TNIP1: variants seen among roughly 807,000 people sequenced by gnomAD.
The protein encoded by TNIP1 is TNFAIP3-interacting protein 1.
A neutral mutation model predicts 86.6 loss-of-function variants in TNIP1; 22 were observed. That is an observed-to-expected ratio of 0.25 (90% CI 0.18 to 0.36). TNIP1 has a LOEUF of 0.36. TNIP1 is among the 10% of genes least tolerant of loss of function. TNIP1 has a pLI of 1.00. For synonymous variants in TNIP1, 294 were observed against 313.0 expected (o/e 0.94, Z 0.64); for missense variants, 709 against 820.6 (o/e 0.86, Z 1.66).
chr5:151,075,214 G>A (rs1581923311), intron 1 of TNIP1, among the ~76,000 whole-genome samples: 1 of 152,254 alleles, frequency 6.6e-6, no homozygotes, highest in African/African-American at 2.4e-5. Context: ...GCTGATGAAG[G>A]AGAAATTTCA....
Position 151,060,333 on chromosome 5 carries a change from G to A in TNIP1, c.420C>T (p.Ser140=), listed in dbSNP as rs146918184. 3 of 1,614,028 alleles carry A rather than the reference G, an allele frequency of 1.9e-6. No individual in the cohort carries two copies. The highest frequency in any genetic ancestry group is 2.7e-5 in the African/African-American group (2 of 74,916). The change falls in exon 5 of 18, where the codon AGC becomes AGT. Residue 140 remains serine, a synonymous_variant. Transcript: ENST00000521591. ...GTCCACTCACCATCGCATTGGCATG[G>A]CTGCTGCTCTCTGGTGAATTCTGCT... ...PEEQNSPESS[S]HANAMALGPL...
At chr5:151,042,512 C>A (rs955677308) in intron 11 of TNIP1, 28 bp downstream of exon 11, 1 of 1,607,880 alleles carries the variant, frequency 6.2e-7, no homozygotes, top group African/African-American at 1.3e-5. Context: ...GGGGAACTGA[C>A]TCTGCAGGGA....
chr5:151,044,416 C>A (rs182214649), intron 9 of TNIP1, among the ~76,000 whole-genome samples: 1 of 151,534 alleles, frequency 6.6e-6, no homozygotes, highest in Non-Finnish European at 1.5e-5. Context: ...TATACACACA[C>A]GTATATGTAT....
intron 6 of TNIP1, among the ~76,000 whole-genome samples, chr5:151,053,930 A>G (rs1490918399): frequency 6.6e-6 from 1 of 152,182 alleles, no homozygotes; most frequent in Non-Finnish European, 1.5e-5. Flanking sequence ...ATGGTGCCCA[A>G]AGGAGGGGAC....
chr5:151,056,589 C>T (rs1760687065), intron 6 of TNIP1, among the ~76,000 whole-genome samples, 177 bp downstream of exon 6: 1 of 142,960 alleles, frequency 7.0e-6, no homozygotes, highest in African/African-American at 2.6e-5. Flanking sequence ...CTTCCTCATC[C>T]CTCCCCACAA....
intron 9 of TNIP1, among the ~76,000 whole-genome samples, chr5:151,043,766 AC>A (rs1473604043): frequency 6.7e-6 from 1 of 150,370 alleles, no homozygotes; most frequent in African/African-American, 2.5e-5. Flanking sequence ...CCAAAGTGAG[AC>A]CCTATCTTAA....
chr5:151,035,220 C>T (rs568757726), intron 14 of TNIP1, among the ~76,000 whole-genome samples, 153 bp from the exon 15 acceptor site: 56 of 152,338 alleles, frequency 3.7e-4, no homozygotes, highest in Non-Finnish European at 6.5e-4. Flanking sequence ...GCCCTGAGGG[C>T]GGAGCACAGC....
intron 11 of TNIP1, among the ~76,000 whole-genome samples, chr5:151,039,917 G>C (rs939192979): frequency 1.3e-5 from 2 of 152,236 alleles, no homozygotes; most frequent in South Asian, 4.1e-4. Flanking sequence ...GGAACCAGCA[G>C]GGCTTCGCCA....
At chr5:151,041,842 C>T (rs1758456636) in intron 11 of TNIP1, among the ~76,000 whole-genome samples, 1 of 152,036 alleles carries the variant, frequency 6.6e-6, no homozygotes, top group South Asian at 2.1e-4. Flanking sequence ...GAAGCTCTGT[C>T]TCATGTTGTA....
intron 14 of TNIP1, 101 bp from the exon 15 acceptor site, chr5:151,035,168 C>T (rs1757533426): frequency 1.5e-6 from 2 of 1,350,304 alleles, no homozygotes; most frequent in Admixed American, 2.0e-5. Flanking sequence ...CCGGCTGATG[C>T]TTCCCTCTGG....
chr5:151,064,748 G>A (rs35932632), intron 2 of TNIP1, among the ~76,000 whole-genome samples: 3,277 of 152,246 alleles, frequency 0.022, 46 homozygotes, highest in South Asian at 0.058. Flanking sequence ...CCTGGTTTCC[G>A]GGTGCTGAGG....
intron 12 of TNIP1, among the ~76,000 whole-genome samples, chr5:151,038,590 G>C (rs906752942): frequency 6.6e-6 from 1 of 152,172 alleles, no homozygotes; most frequent in African/African-American, 2.4e-5. Flanking sequence ...CCCTCAGCCC[G>C]TGCTCCTCCA....
At chr5:151,039,057 C>G in intron 12 of TNIP1, 40 bp downstream of exon 12, 2 of 1,597,178 alleles carry the variant, frequency 1.3e-6, no homozygotes, top group East Asian at 2.2e-5. Context: ...CAGCTGGACT[C>G]AAGGGAGCCC....
upstream of TNIP1, among the ~76,000 whole-genome samples, chr5:151,085,697 C>G (rs754905053): frequency 3.3e-5 from 5 of 151,636 alleles, no homozygotes; most frequent in Non-Finnish European, 5.9e-5. Context: ...CGTCTCTCCC[C>G]CTGGCCTCTC....
intron 5 of TNIP1, 91 bp downstream of exon 5, chr5:151,060,227 C>A: frequency 7.2e-7 from 1 of 1,388,552 alleles, no homozygotes; most frequent in South Asian, 1.2e-5. Context: ...CCTAAGGGAT[C>A]TGAACAGGTT....
chr5:151,072,312 C>G (rs1039826031), intron 1 of TNIP1, among the ~76,000 whole-genome samples: 25 of 152,178 alleles, frequency 1.6e-4, no homozygotes, highest in African/African-American at 5.3e-4. Flanking sequence ...TTATATGCAA[C>G]CAGGTGGCAA....
rs759641663 is a variant in TNIP1, at chr5:151,033,777, A to G, written c.1610T>C (p.Val537Ala). The change falls in exon 16 of 18, where the codon GTG becomes GCG. Residue 537 changes from valine (V) to alanine (A), a missense_variant. By Grantham distance (64) the Val-to-Ala change is moderately conservative. Coordinates refer to ENST00000521591, the MANE Select transcript of TNIP1 (RefSeq NM_006058.5). Reference sequence around the variant, plus strand: ...GCAGAGATGTTCTGGGTGGGGCTCCACATGGTAACGCTCTCCTGAGGCCTG... The same window carrying G: ...GCAGAGATGTTCTGGGTGGGGCTCCGCATGGTAACGCTCTCCTGAGGCCTG... The part of the protein sequence containing the change: ...KAKASGERYH[V>A]EPHPEHLCGA... 2 of 1,366,678 alleles carry G rather than the reference A, an allele frequency of 1.5e-6. No individual in the cohort carries two copies. Among genetic ancestry groups the G allele is most frequent in the Non-Finnish European group, 9.5e-7 (1 of 1,053,136 alleles). 84.7% of individuals were successfully genotyped at this position (1,366,678 alleles called of 1,614,324 possible).
chr5:151,070,807 T>A (rs1357786184), intron 1 of TNIP1, among the ~76,000 whole-genome samples: 1 of 151,750 alleles, frequency 6.6e-6, no homozygotes, highest in Non-Finnish European at 1.5e-5. Flanking sequence ...AAAGGCCGGG[T>A]TGGATTTTTC....
intron 16 of TNIP1, 38 bp downstream of exon 16, chr5:151,033,570 T>C (rs903328105): frequency 2.8e-5 from 38 of 1,355,304 alleles, no homozygotes; most frequent in Non-Finnish European, 3.7e-5. Flanking sequence ...GGGCAGCCTC[T>C]GTGTGTGCCC....
Sources: gnomAD v4.1 joint callset for allele counts (sites outside exome capture counted in the v4.1 genomes callset) on GRCh38, gnomAD v4.1.1 for gene constraint, MANE v1.5 for transcripts, NCBI Gene and HGNC (gene_info 2026-07-23, HGNC 2026-07-21) for gene names.